IQSEC1: variants seen among roughly 807,000 people sequenced by gnomAD.
The protein encoded by IQSEC1 is IQ motif and Sec7 domain ArfGEF 1, also known as IQ motif and SEC7 domain-containing protein 1.
A neutral mutation model predicts 91.0 loss-of-function variants in IQSEC1; 31 were observed. That is an observed-to-expected ratio of 0.34 (90% CI 0.26 to 0.46). The LOEUF (loss-of-function observed/expected upper bound fraction) is 0.46. Ranked by LOEUF, IQSEC1 falls within the 20% of genes least tolerant of loss-of-function variation. The pLI is 1.00. For synonymous variants in IQSEC1, 699 were observed against 662.6 expected, an observed-to-expected ratio of 1.05 and a Z score of -0.84; for missense variants, 1,388 against 1,575.6, an observed-to-expected ratio of 0.88 and a Z score of 2.02.
chr3:13,107,325 G>A (rs1253577060), intron 2 of IQSEC1, among the ~76,000 whole-genome samples: 1 of 152,212 alleles, frequency 6.6e-6, no homozygotes, highest in Non-Finnish European at 1.5e-5. Context: ...AAATTATTCA[G>A]GCAAGTTAAG....
At chr3:12,930,952 G>C (rs536008740) in intron 3 of IQSEC1, among the ~76,000 whole-genome samples, 1 of 152,116 alleles carries the variant, frequency 6.6e-6, no homozygotes, top group Middle Eastern at 3.2e-3. Flanking sequence ...CTGCAGAGAG[G>C]TGCCACTTCC....
chr3:13,121,290 T>C (rs1288189761), intron 2 of IQSEC1, among the ~76,000 whole-genome samples: 1 of 152,220 alleles, frequency 6.6e-6, no homozygotes, highest in East Asian at 1.9e-4. Flanking sequence ...AAAAAGTTTG[T>C]CACGCCCTGT....
At chr3:13,046,889 C>T (rs750754363) in intron 1 of IQSEC1, among the ~76,000 whole-genome samples, 5 of 152,224 alleles carry the variant, frequency 3.3e-5, no homozygotes, top group Admixed American at 6.5e-5. Flanking sequence ...TTCTTGCCCA[C>T]GAGACTGGAA....
intron 13 of IQSEC1, 25 bp downstream of exon 13, chr3:12,902,748 C>T: frequency 6.3e-7 from 1 of 1,579,546 alleles, no homozygotes; most frequent in Non-Finnish European, 8.7e-7. Flanking sequence ...GGACAGCCAG[C>T]TGGACAGAGG....
rs11128634 is a variant in IQSEC1 at position 13,113,723 on chromosome 3, G to A, written c.302+50381C>T. On this transcript the variant is annotated intron_variant, in intron 2 of 15. Coordinates refer to the IQSEC1 transcript ENST00000648114. ...AACGGTCACCAGGGCAGCCCCCAGC[G>A]TGGGCCGCATGGCAGGGGCTACTCA... is the stretch of plus-strand genomic sequence containing the variant. Among the ~76,000 whole-genome samples, 154 of 152,308 alleles carry A rather than the reference G, an allele frequency of 1.0e-3. 3 individuals are homozygous for A. In the East Asian group the frequency reaches 0.026, roughly 26 times the overall value.
At chr3:13,130,991 A>G (rs546391496) in intron 2 of IQSEC1, among the ~76,000 whole-genome samples, 55 of 145,944 alleles carry the variant, frequency 3.8e-4, no homozygotes, top group African/African-American at 1.1e-3. Flanking sequence ...GAGAGAGAGA[A>G]AGAAAAGAAG....
At chr3:12,978,658 T>A (rs111238847) in intron 1 of IQSEC1, among the ~76,000 whole-genome samples, 6 of 151,172 alleles carry the variant, frequency 4.0e-5, no homozygotes, top group Non-Finnish European at 5.9e-5. Context: ...TAAGCAGAGA[T>A]TGCACCAGTG....
chr3:13,006,093 TA>T (rs1702623384), intron 1 of IQSEC1, among the ~76,000 whole-genome samples: 2 of 152,216 alleles, frequency 1.3e-5, no homozygotes, highest in South Asian at 4.1e-4. Context: ...AGCAAAATCC[TA>T]ATGATACATA....
chr3:12,985,497 C>CG (rs1701685704), intron 1 of IQSEC1, among the ~76,000 whole-genome samples: 1 of 152,012 alleles, frequency 6.6e-6, no homozygotes. Flanking sequence ...CAATCCCCCC[C>CG]CCCCCGCCAA....
intron 1 of IQSEC1, among the ~76,000 whole-genome samples, chr3:12,984,815 ATTTTTTTTT>A (rs767194681): frequency 1.4e-4 from 14 of 102,234 alleles, no homozygotes; most frequent in Admixed American, 6.6e-4. Flanking sequence ...AAGCAATTAC[ATTTTTTTTT>A]TTTTTTTTTT....
At chr3:13,033,216 G>A (rs772137599) in intron 1 of IQSEC1, among the ~76,000 whole-genome samples, 8 of 152,108 alleles carry the variant, frequency 5.3e-5, no homozygotes. Context: ...CAGAATACAC[G>A]CCCAGACAGC....
Position 13,210,023 on chromosome 3 carries a change from G to C in IQSEC1, c.273-45890C>G, listed in dbSNP as rs560662024. ...CCCAGCAATGTCATAGGCTCACTGT[G>C]TGACCTTGAGCAGGTCACTGCACTC... On this transcript the variant is annotated intron_variant, in intron 1 of 15. Transcript: ENST00000648114. Among the ~76,000 whole-genome samples, 4 of 152,290 alleles carry C rather than the reference G, an allele frequency of 2.6e-5. No individual in the cohort carries two copies. In the East Asian group the frequency reaches 7.7e-4, roughly 29 times the overall value.
At chr3:13,222,159 CT>C (rs1694672838) in intron 1 of IQSEC1, among the ~76,000 whole-genome samples, 1 of 150,768 alleles carries the variant, frequency 6.6e-6, no homozygotes, top group African/African-American at 2.4e-5. Context: ...CCCCCAGCCC[CT>C]GGCACCTCCA....
intron 2 of IQSEC1, among the ~76,000 whole-genome samples, chr3:13,144,060 C>T (rs1206309143): frequency 2.6e-5 from 4 of 152,124 alleles, no homozygotes; most frequent in African/African-American, 9.7e-5. Context: ...AAAACAGACT[C>T]CAAACAAGGC....
intron 1 of IQSEC1, among the ~76,000 whole-genome samples, chr3:12,974,315 G>A (rs1701051667): frequency 6.6e-6 from 1 of 152,194 alleles, no homozygotes; most frequent in Non-Finnish European, 1.5e-5. Flanking sequence ...TAGGTCCTCG[G>A]TGACCAATGT....
At chr3:12,963,238 A>C (rs990477487) in intron 1 of IQSEC1, among the ~76,000 whole-genome samples, 7 of 152,404 alleles carry the variant, frequency 4.6e-5, no homozygotes, top group African/African-American at 1.7e-4. Context: ...AGTTCAAATC[A>C]AACTGTCACC....
intron 1 of IQSEC1, among the ~76,000 whole-genome samples, chr3:13,190,514 C>A (rs1694003346): frequency 6.6e-6 from 1 of 151,826 alleles, no homozygotes; most frequent in South Asian, 2.1e-4. Context: ...TGTGATTGTG[C>A]CACTGTACTC....
chr3:12,955,786 C>A (rs1214643087), intron 1 of IQSEC1, among the ~76,000 whole-genome samples: 1 of 152,212 alleles, frequency 6.6e-6, no homozygotes, highest in East Asian at 1.9e-4. Flanking sequence ...CTCGGCCTTG[C>A]CCCTGGGAGA....
At chr3:12,955,043 T>C (rs750553188) in intron 1 of IQSEC1, among the ~76,000 whole-genome samples, 7 of 152,200 alleles carry the variant, frequency 4.6e-5, no homozygotes, top group African/African-American at 7.2e-5. Context: ...ACATAGCTGA[T>C]GCGCAGCCCA....
Sources: allele counts gnomAD v4.1 joint callset (sites outside exome capture counted in the v4.1 genomes callset), GRCh38; gene constraint gnomAD v4.1.1; transcripts MANE v1.5; gene names NCBI Gene and HGNC (gene_info 2026-07-23, HGNC 2026-07-21).